The following FBXL17 variants were observed in gnomAD, a reference collection of about 807,000 sequenced individuals.
The protein encoded by FBXL17 is F-box and leucine rich repeat protein 17.
In FBXL17, 22 loss-of-function variants were observed where a neutral mutation model predicts 66.2. The ratio of observed to expected loss-of-function variants is 0.33; its 90% confidence interval spans 0.24 to 0.47. The LOEUF (loss-of-function observed/expected upper bound fraction) is 0.47, where lower values mean the gene tolerates loss of function less well. Among genes scored for constraint, FBXL17 ranks in the 20% least tolerant of loss-of-function variants. FBXL17 has a pLI of 1.00. For synonymous variants in FBXL17, 474 were observed against 400.5 expected (o/e 1.18, Z -2.19); for missense variants, 878 against 948.2 (o/e 0.93, Z 0.97).
intron 4 of FBXL17, among the ~76,000 whole-genome samples, chr5:108,327,426 T>A (rs1356737610): frequency 6.6e-6 from 1 of 152,226 alleles, no homozygotes; most frequent in Non-Finnish European, 1.5e-5. Flanking sequence ...TTACAGATTA[T>A]ATGATGTAGT....
At chr5:107,913,517 T>C (rs1176409013) in intron 7 of FBXL17, among the ~76,000 whole-genome samples, 1 of 152,156 alleles carries the variant, frequency 6.6e-6, no homozygotes, top group Non-Finnish European at 1.5e-5. Context: ...TGTCACTTTT[T>C]ATGTTCCCTT....
At chr5:108,077,699 T>C (rs933077700) in intron 6 of FBXL17, among the ~76,000 whole-genome samples, 3 of 151,992 alleles carry the variant, frequency 2.0e-5, no homozygotes, top group Non-Finnish European at 2.9e-5. Flanking sequence ...AAAATGATAG[T>C]ATACCCATTT....
At chr5:107,992,979 T>A (rs1753317425) in intron 7 of FBXL17, among the ~76,000 whole-genome samples, 1 of 152,002 alleles carries the variant, frequency 6.6e-6, no homozygotes, top group Non-Finnish European at 1.5e-5. Flanking sequence ...CACTGCGAGC[T>A]CCACCTCCCA....
intron 6 of FBXL17, among the ~76,000 whole-genome samples, chr5:108,113,149 C>G (rs911666131): frequency 6.6e-6 from 1 of 152,136 alleles, no homozygotes; most frequent in Admixed American, 6.5e-5. Context: ...CCAGACTTGG[C>G]AGTATTGCAG....
At chr5:107,908,105 C>CT (rs1251763797) in intron 7 of FBXL17, among the ~76,000 whole-genome samples, 1 of 152,104 alleles carries the variant, frequency 6.6e-6, no homozygotes, top group Non-Finnish European at 1.5e-5. Context: ...CCATGGAATA[C>CT]TATGCAGCCA....
chr5:107,923,750 C>T (rs1243582019), intron 7 of FBXL17, among the ~76,000 whole-genome samples: 1 of 152,160 alleles, frequency 6.6e-6, no homozygotes, highest in African/African-American at 2.4e-5. Context: ...ATTCTTAACA[C>T]CCACTCTTTC....
intron 6 of FBXL17, among the ~76,000 whole-genome samples, chr5:108,037,587 A>G (rs1746893921): frequency 6.6e-6 from 1 of 152,154 alleles, no homozygotes; most frequent in Non-Finnish European, 1.5e-5. Context: ...AGTGGCTTTA[A>G]CAGGCAGAAT....
intron 7 of FBXL17, among the ~76,000 whole-genome samples, chr5:107,953,178 G>A (rs1052009308): frequency 3.9e-5 from 6 of 151,938 alleles, no homozygotes; most frequent in Non-Finnish European, 7.4e-5. Flanking sequence ...CAAGGTGGGC[G>A]GATCACGAGG....
intron 7 of FBXL17, among the ~76,000 whole-genome samples, chr5:107,940,364 G>A (rs1417812028): frequency 6.6e-6 from 1 of 152,042 alleles, no homozygotes; most frequent in East Asian, 1.9e-4. Flanking sequence ...CAGTTTTTTG[G>A]AGGAGGGGGA....
Position 108,381,542 on chromosome 5 carries a change from G to T in FBXL17, c.150C>A (p.Ser50Arg), listed in dbSNP as rs866578227. The change falls in exon 1 of 9, where the codon AGC (serine) becomes AGA (arginine). Residue 50 changes from serine (S) to arginine (R), a missense_variant. Physicochemically the swap from Ser to Arg is moderately radical, Grantham distance 110. Transcript: ENST00000542267. ...KVPPQPAAPRSRDCFFRGPCM... is the reference protein window; with the variant it reads ...KVPPQPAAPRRRDCFFRGPCM... ...AGGGCCCGCGGAAGAAGCAGTCCCG[G>T]CTCCGGGGCGCCGCCGGCTGAGGGG... 96 of 1,426,494 alleles carry T rather than the reference G, an allele frequency of 6.7e-5. No individual in the cohort carries two copies. The South Asian group carries it at 8.9e-4, about 13-fold the overall frequency. 88.4% of individuals were successfully genotyped at this position (1,426,494 alleles called of 1,614,324 possible). A position where few individuals can be genotyped will look rare whatever the true frequency, so the allele number is the denominator to read the frequency against.
chr5:108,051,013 T>C (rs1747450270), intron 6 of FBXL17, among the ~76,000 whole-genome samples: 1 of 152,126 alleles, frequency 6.6e-6, no homozygotes, highest in Admixed American at 6.5e-5. Flanking sequence ...CTTGGACAGA[T>C]ACACCTTCCA....
intron 8 of FBXL17, chr5:107,878,345 GGAT>G (rs1203609067): frequency 2.2e-6 from 2 of 919,990 alleles, no homozygotes; most frequent in African/African-American, 3.6e-5. Flanking sequence ...ATAATGATAT[GGAT>G]GATAAGACTA....
Position 108,221,610 on chromosome 5 carries a change from A to G in FBXL17, c.1614+2511T>C, listed in dbSNP as rs148146684. On this transcript the variant is annotated intron_variant, in intron 5 of 8. Transcript: ENST00000542267. ...AGCATGTAAAAACATATTTAGGCTG[A>G]TAACTCTTAACACTCTATATCTCAC... Among the ~76,000 whole-genome samples, 42 of 152,308 alleles carry G rather than the reference A, an allele frequency of 2.8e-4. 1 individual carries two copies. In the Middle Eastern group the frequency reaches 0.01, roughly 37 times the overall value.
At chr5:107,925,939 G>T (rs1158415658) in intron 7 of FBXL17, among the ~76,000 whole-genome samples, 1 of 152,124 alleles carries the variant, frequency 6.6e-6, no homozygotes, top group East Asian at 1.9e-4. Context: ...TGCATTTCTT[G>T]TAACACCTAA....
chr5:107,915,021 T>C (rs188898775), intron 7 of FBXL17, among the ~76,000 whole-genome samples: 1 of 152,294 alleles, frequency 6.6e-6, no homozygotes, highest in African/African-American at 2.4e-5. Context: ...GATAGAACAC[T>C]GAACTACACT....
rs1754060252 is a variant in FBXL17, at chr5:108,009,233, ACAGCTTGGTCGTGAGTTGTTCCCTGT to A, written c.1822+11666_1822+11691del. On this transcript the variant is annotated intron_variant, in intron 7 of 8. Coordinates refer to ENST00000542267, the MANE Select transcript of FBXL17 (RefSeq NM_001163315.3). ...TATATATATATATATATATATATAT[ACAGCTTGGTCGTGAGTTGTTCCCTGT>A]TTTATATATATATATATATATATAT... is the stretch of plus-strand genomic sequence containing the variant. 5.1e-5 allele frequency among the ~76,000 whole-genome samples: 3 copies of A among 58,626 alleles called. 1 individual carries two copies. Among genetic ancestry groups the A allele is most frequent in the African/African-American group, 1.8e-4 (3 of 16,246 alleles). The allele number at this position is 58,626 out of a possible 152,430, so 38.5% of individuals were successfully genotyped here. A position where few individuals can be genotyped will look rare whatever the true frequency, so the allele number is the denominator to read the frequency against.
chr5:108,015,059 G>C (rs887591879), intron 7 of FBXL17, among the ~76,000 whole-genome samples: 1 of 152,112 alleles, frequency 6.6e-6, no homozygotes, highest in Non-Finnish European at 1.5e-5. Context: ...TTCAAGATGA[G>C]ATTTGGGTGG....
intron 6 of FBXL17, 23 bp from the exon 7 acceptor site, chr5:108,021,024 A>T: frequency 6.4e-7 from 1 of 1,574,324 alleles, no homozygotes; most frequent in Non-Finnish European, 8.7e-7. Context: ...AAAAGTGGTT[A>T]TACTAATGCG....
chr5:107,863,107 T>C (rs901869684), intron 8 of FBXL17, among the ~76,000 whole-genome samples: 7 of 151,444 alleles, frequency 4.6e-5, no homozygotes, highest in African/African-American at 1.7e-4. Context: ...AGCTATGATT[T>C]ATAACGTTTT....
Sources: gnomAD v4.1 joint callset for allele counts (sites outside exome capture counted in the v4.1 genomes callset) on GRCh38, gnomAD v4.1.1 for gene constraint, MANE v1.5 for transcripts, NCBI Gene and HGNC (gene_info 2026-07-23, HGNC 2026-07-21) for gene names.